The following KCNC2 variants were observed in gnomAD, a reference collection of about 807,000 sequenced individuals.
KCNC2 encodes voltage-gated potassium channel KCNC2.
A neutral mutation model predicts 44.5 loss-of-function variants in KCNC2; 21 were observed. The observed-to-expected ratio is 0.47, with a 90% confidence interval of 0.33 to 0.68. The LOEUF (loss-of-function observed/expected upper bound fraction) is 0.68. Ranked by LOEUF, KCNC2 falls within the 30% of genes least tolerant of loss-of-function variation. KCNC2 has a pLI of 0.01. For missense variants in KCNC2, 589 were observed against 826.2 expected, an observed-to-expected ratio of 0.71 and a Z score of 3.52; for synonymous variants, 391 against 339.1, an observed-to-expected ratio of 1.15 and a Z score of -1.68.
rs116495544 is a variant in KCNC2, at chr12:75,041,546, T to C, written c.*1559A>G. The C allele has an allele frequency of 2.1e-3, 2,361 of 1,115,750 alleles. 32 individuals are homozygous for C. In the African/African-American group the frequency reaches 0.035, roughly 16 times the overall value. 69.1% of individuals were successfully genotyped at this position (1,115,750 alleles called of 1,614,324 possible). ...ATTTATCCCTCTATTTATATTACGG[T>C]CTTTTTCTTCCCTCACATGCTCAAT... On this transcript the variant is annotated 3_prime_UTR_variant, in exon 5 of 5. Coordinates refer to ENST00000549446, the MANE Select transcript of KCNC2 (RefSeq NM_139137.4).
chr12:75,126,052 T>C (rs1003691098), intron 2 of KCNC2, among the ~76,000 whole-genome samples: 40 of 152,112 alleles, frequency 2.6e-4, no homozygotes, highest in East Asian at 1.5e-3. Flanking sequence ...GAACAAAAGA[T>C]CCAGAAGATG....
At chr12:75,078,064 A>C (rs2137066902) in intron 2 of KCNC2, among the ~76,000 whole-genome samples, 1 of 152,290 alleles carries the variant, frequency 6.6e-6, no homozygotes, top group South Asian at 2.1e-4. Context: ...TATTACTCTT[A>C]TACCTCCATT....
chr12:75,199,437 G>A (rs2031054687), intron 2 of KCNC2, among the ~76,000 whole-genome samples: 1 of 151,828 alleles, frequency 6.6e-6, no homozygotes, highest in South Asian at 2.1e-4. Flanking sequence ...TAATCATGGA[G>A]TATTTTTGCC....
In KCNC2 at chr12:75,207,973, A is replaced by C. The variant is rs760961321; in HGVS notation, c.11T>G (p.Ile4Ser). 3.7e-6 allele frequency: 6 copies of C among 1,612,128 alleles called. No homozygotes were observed. Among genetic ancestry groups the C allele is most frequent in the African/African-American group, 1.3e-5 (1 of 74,812 alleles). The part of the protein sequence containing the change: MGK[I>S]ENNERVILNV... ...GAGGATCACCCTCTCGTTGTTCTCG[A>C]TCTTGCCCATCTCTGTGACTCAGAC... Residue 4 changes from isoleucine (I) to serine (S), a missense_variant, in exon 2 of 5, where the codon ATC becomes AGC. By Grantham distance (142) the Ile-to-Ser change is moderately radical (BLOSUM62 -2). Coordinates refer to ENST00000549446, the MANE Select transcript of KCNC2 (RefSeq NM_139137.4). The surrounding 1 kb of genome is among the most constrained non-coding windows in gnomAD (Gnocchi z 4.1).
intron 2 of KCNC2, among the ~76,000 whole-genome samples, chr12:75,133,228 G>A (rs1156768540): frequency 6.6e-6 from 1 of 151,694 alleles, no homozygotes; most frequent in Non-Finnish European, 1.5e-5. Context: ...TAGCACAATG[G>A]GAAGACTATA....
chr12:75,152,978 G>A (rs1890510190), intron 2 of KCNC2, among the ~76,000 whole-genome samples: 3 of 151,994 alleles, frequency 2.0e-5, no homozygotes, highest in Admixed American at 2.0e-4. Flanking sequence ...GACTGGGTTG[G>A]GGGCGACGTG....
intron 2 of KCNC2, among the ~76,000 whole-genome samples, chr12:75,072,813 T>A (rs1883550776): frequency 6.6e-6 from 1 of 152,146 alleles, no homozygotes; most frequent in South Asian, 2.1e-4. Context: ...ACTAAAGATC[T>A]TAAAAGGCCT....
At chr12:75,105,483 T>C (rs1266527932) in intron 2 of KCNC2, among the ~76,000 whole-genome samples, 1 of 152,064 alleles carries the variant, frequency 6.6e-6, no homozygotes, top group African/African-American at 2.4e-5. Flanking sequence ...GATGTGTTTG[T>C]TTAAGAATAG....
At chr12:75,160,170 A>G (rs183473663) in intron 2 of KCNC2, among the ~76,000 whole-genome samples, 1 of 151,828 alleles carries the variant, frequency 6.6e-6, no homozygotes, top group Non-Finnish European at 1.5e-5. Context: ...CTAATCCCAT[A>G]TAATTGCCAC....
chr12:75,048,352 A>G (rs1880777759), intron 3 of KCNC2, 35 bp from the exon 4 acceptor site: 1 of 1,569,036 alleles, frequency 6.4e-7, no homozygotes, highest in African/African-American at 1.4e-5. Context: ...ACAGACAGTG[A>G]TGAATGAGGA....
chr12:75,061,099 G>A (rs189162910), intron 2 of KCNC2, among the ~76,000 whole-genome samples: 18 of 152,216 alleles, frequency 1.2e-4, no homozygotes, highest in Non-Finnish European at 2.4e-4. Flanking sequence ...AAATAAGCTT[G>A]TAACAGAGAG....
chr12:75,074,977 G>T (rs549655456), intron 2 of KCNC2, among the ~76,000 whole-genome samples: 29 of 152,298 alleles, frequency 1.9e-4, no homozygotes, highest in African/African-American at 6.7e-4. Flanking sequence ...CCGGAATAAA[G>T]AAAGTGGAAA....
chr12:75,196,435 C>T (rs73357303), intron 2 of KCNC2, among the ~76,000 whole-genome samples: 2 of 152,044 alleles, frequency 1.3e-5, no homozygotes, highest in Admixed American at 6.6e-5. Flanking sequence ...AACGCCTCAC[C>T]TCCAGAAATG....
At chr12:75,149,508 T>A (rs1171782819) in intron 2 of KCNC2, among the ~76,000 whole-genome samples, 2 of 151,904 alleles carry the variant, frequency 1.3e-5, no homozygotes, top group Non-Finnish European at 2.9e-5. Context: ...AAAATGGTTT[T>A]CTTGCCAGTC....
chr12:75,147,371 C>A (rs185810197), intron 2 of KCNC2, among the ~76,000 whole-genome samples: 16 of 152,020 alleles, frequency 1.1e-4, no homozygotes, highest in African/African-American at 3.6e-4. Flanking sequence ...AACCAGACAA[C>A]GTTTTCTTAA....
chr12:75,120,176 A>G (rs1287655090), intron 2 of KCNC2, among the ~76,000 whole-genome samples: 1 of 152,200 alleles, frequency 6.6e-6, no homozygotes, highest in Non-Finnish European at 1.5e-5. Context: ...ATATAGAACA[A>G]CACGTTTTCC....
At chr12:75,122,475 C>A (rs1428222696) in intron 2 of KCNC2, among the ~76,000 whole-genome samples, 1 of 152,150 alleles carries the variant, frequency 6.6e-6, no homozygotes, top group African/African-American at 2.4e-5. Flanking sequence ...CCTAACTCTT[C>A]CCATCTATGA....
chr12:75,055,169 T>G (rs539296985), intron 2 of KCNC2, among the ~76,000 whole-genome samples: 76 of 152,258 alleles, frequency 5.0e-4, no homozygotes, highest in African/African-American at 1.7e-3. Context: ...TGCACGATTG[T>G]TACTACTGAG....
chr12:75,057,682 AAAGT>A (rs1881891751), intron 2 of KCNC2, among the ~76,000 whole-genome samples: 4 of 152,126 alleles, frequency 2.6e-5, no homozygotes, highest in South Asian at 4.1e-4. Flanking sequence ...ATATCCACAT[AAAGT>A]GTTTCTATGT....
Sources: gnomAD v4.1 joint callset for allele counts (sites outside exome capture counted in the v4.1 genomes callset) on GRCh38, gnomAD v4.1.1 for gene constraint, Gnocchi (gnomAD v3.1) non-coding constraint, MANE v1.5 for transcripts, NCBI Gene and HGNC (gene_info 2026-07-23, HGNC 2026-07-21) for gene names.